Variants in SPMIP2 observed in about 807,000 individuals in gnomAD.
The protein encoded by SPMIP2 is protein SPMIP2.
chr4:158,958,142 G>T, the SPMIP2 span, among the ~76,000 whole-genome samples: 5 of 152,016 alleles, frequency 3.3e-5, no homozygotes, highest in African/African-American at 1.2e-4. Flanking sequence ...GGGACCACAT[G>T]TGTGTACCAC....
At chr4:158,933,706 A>T in the SPMIP2 span, among the ~76,000 whole-genome samples, 1 of 151,270 alleles carries the variant, frequency 6.6e-6, no homozygotes, top group Non-Finnish European at 1.5e-5. Flanking sequence ...TCTACCTCTA[A>T]TATTATTTCA....
chr4:159,068,427 C>G, the SPMIP2 span, among the ~76,000 whole-genome samples: 5 of 150,520 alleles, frequency 3.3e-5, no homozygotes, highest in Non-Finnish European at 5.9e-5. Context: ...ACCAAACACC[C>G]CATGTTCTCA....
the SPMIP2 span, among the ~76,000 whole-genome samples, chr4:158,976,676 T>TC: frequency 7.0e-6 from 1 of 143,070 alleles, no homozygotes; most frequent in African/African-American, 2.7e-5. Context: ...TTTTTTTTTT[T>TC]TTTTTTTGAG....
the SPMIP2 span, chr4:158,895,854 T>C: frequency 1.2e-6 from 2 of 1,611,882 alleles, no homozygotes; most frequent in Non-Finnish European, 1.7e-6. Flanking sequence ...AAGAATTAGG[T>C]GTCGTACTGG....
At chr4:158,923,463 T>C in the SPMIP2 span, among the ~76,000 whole-genome samples, 1 of 152,336 alleles carries the variant, frequency 6.6e-6, no homozygotes, top group African/African-American at 2.4e-5. Context: ...TAAATTTACT[T>C]CTAAATATCT....
the SPMIP2 span, among the ~76,000 whole-genome samples, chr4:158,963,890 G>C: frequency 1.3e-5 from 2 of 152,058 alleles, no homozygotes; most frequent in Non-Finnish European, 2.9e-5. Flanking sequence ...AGCCGAGTAC[G>C]GTGGCTCACG....
the SPMIP2 span, among the ~76,000 whole-genome samples, chr4:158,902,988 G>A: frequency 2.6e-5 from 4 of 152,190 alleles, no homozygotes; most frequent in African/African-American, 9.7e-5. Context: ...TTCCAGGGGA[G>A]TGAACCGTTC....
At chr4:159,026,133 T>C in the SPMIP2 span, 4 of 331,284 alleles carry the variant, frequency 1.2e-5, no homozygotes, top group African/African-American at 6.5e-5. Context: ...ATGACCACTG[T>C]TCAGCAGATG....
chr4:159,015,564 G>A, the SPMIP2 span, among the ~76,000 whole-genome samples: 1 of 152,080 alleles, frequency 6.6e-6, no homozygotes, highest in African/African-American at 2.4e-5. Context: ...CTTTGCACAT[G>A]TCATATAAAA....
chr4:158,981,674 C>T, the SPMIP2 span, among the ~76,000 whole-genome samples: 1 of 152,026 alleles, frequency 6.6e-6, no homozygotes, highest in Non-Finnish European at 1.5e-5. Flanking sequence ...TTTGTCACCA[C>T]CAGGCCTGCC....
the SPMIP2 span, chr4:158,906,200 A>ATTGT: frequency 2.0e-5 from 3 of 152,046 alleles, no homozygotes; most frequent in African/African-American, 7.2e-5. Flanking sequence ...CCATGACATC[A>ATTGT]TTGTTTGCTG....
the SPMIP2 span, among the ~76,000 whole-genome samples, chr4:158,934,643 C>T: frequency 6.6e-6 from 1 of 152,080 alleles, no homozygotes; most frequent in Non-Finnish European, 1.5e-5. Context: ...TCTCTGCTTT[C>T]CCTACCCACC....
At chr4:158,983,937 A>G in the SPMIP2 span, among the ~76,000 whole-genome samples, 1,081 of 119,932 alleles carry the variant, frequency 9.0e-3, 7 homozygotes, top group Non-Finnish European at 0.014. Flanking sequence ...TCAAAATAAA[A>G]GGATGGAGGA....
At chr4:158,935,811 A>C in the SPMIP2 span, among the ~76,000 whole-genome samples, 1 of 152,220 alleles carries the variant, frequency 6.6e-6, no homozygotes, top group Non-Finnish European at 1.5e-5. Flanking sequence ...ATAATGTCTA[A>C]AACCAATAGG....
the SPMIP2 span, among the ~76,000 whole-genome samples, chr4:159,011,481 T>C: frequency 6.6e-6 from 1 of 152,244 alleles, no homozygotes; most frequent in East Asian, 1.9e-4. Context: ...CTGGACGCGG[T>C]GGCTCACGCC....
the SPMIP2 span, among the ~76,000 whole-genome samples, chr4:158,971,656 A>G: frequency 6.6e-6 from 1 of 152,172 alleles, no homozygotes; most frequent in Admixed American, 6.5e-5. Context: ...TCACAACATA[A>G]CAATATGAAA....
the SPMIP2 span, chr4:158,893,395 T>A: frequency 3.5e-6 from 1 of 283,052 alleles, no homozygotes; most frequent in South Asian, 1.2e-4. Context: ...GTTATGAAAT[T>A]ATATTAGAGA....
chr4:158,956,815 T>C, the SPMIP2 span, among the ~76,000 whole-genome samples: 2 of 152,194 alleles, frequency 1.3e-5, no homozygotes, highest in African/African-American at 4.8e-5. Context: ...ACTGAACCTT[T>C]CCCCTGGCCC....
the SPMIP2 span, among the ~76,000 whole-genome samples, chr4:158,900,708 ATTTT>A: frequency 6.7e-6 from 1 of 150,158 alleles, no homozygotes; most frequent in East Asian, 1.9e-4. Context: ...CCATCTCTTT[ATTTT>A]GAGTCTGTGT....
Sources: allele counts gnomAD v4.1 joint callset (sites outside exome capture counted in the v4.1 genomes callset), GRCh38; gene constraint gnomAD v4.1.1; transcripts MANE v1.5; gene names NCBI Gene and HGNC (gene_info 2026-07-23, HGNC 2026-07-21).